The following ASIC2 variants were observed in gnomAD, a reference collection of about 807,000 sequenced individuals.
ASIC2 encodes the protein acid-sensing ion channel 2.
A neutral mutation model predicts 57.3 loss-of-function variants in ASIC2; 25 were observed. The observed-to-expected ratio is 0.44, with a 90% CI of 0.32 to 0.61. The LOEUF is 0.61. ASIC2 is among the 20% of genes least tolerant of loss of function. The pLI is 0.06. For missense variants in ASIC2, 641 were observed against 738.1 expected (o/e 0.87, Z 1.52); for synonymous variants, 319 against 307.5 (o/e 1.04, Z -0.39).
intron 3 of ASIC2, among the ~76,000 whole-genome samples, chr17:33,057,433 T>G (rs1399174120): frequency 1.3e-5 from 2 of 152,200 alleles, no homozygotes; most frequent in East Asian, 1.9e-4. Context: ...GTCTCTTCTG[T>G]CTCTATGTGC....
chr17:33,581,146 G>GT (rs1310144763), intron 1 of ASIC2: 1 of 152,230 alleles, frequency 6.6e-6, no homozygotes, highest in Non-Finnish European at 1.5e-5. Flanking sequence ...AATCCCATGT[G>GT]TTCTTAAAGG....
intron 3 of ASIC2, among the ~76,000 whole-genome samples, chr17:33,035,252 T>C (rs1354151501): frequency 6.6e-6 from 1 of 152,222 alleles, no homozygotes; most frequent in African/African-American, 2.4e-5. Flanking sequence ...TTATGATTGT[T>C]ATTGTAAAGT....
chr17:33,584,780 TAGG>T (rs1904561702), intron 1 of ASIC2, among the ~76,000 whole-genome samples: 1 of 151,842 alleles, frequency 6.6e-6, no homozygotes, highest in Non-Finnish European at 1.5e-5. Flanking sequence ...AGACAGTTCG[TAGG>T]AGAAGGATTC....
In ASIC2 at chr17:33,892,175, T is replaced by C. The variant is rs142880946; in HGVS notation, c.555+263803A>G. Among the ~76,000 whole-genome samples, 13 of 152,208 alleles carry C rather than the reference T, an allele frequency of 8.5e-5. No homozygotes were observed. The East Asian group carries it at 2.1e-3, about 25-fold the overall frequency. ...TTGTACTCATTTGAGAAATAGACAATGAACAAGAAAGAGAATAAATAAATA... is the reference window on the plus strand; with the variant it reads ...TTGTACTCATTTGAGAAATAGACAACGAACAAGAAAGAGAATAAATAAATA... On this transcript the variant is annotated intron_variant, in intron 1 of 9. Coordinates refer to the ASIC2 transcript ENST00000359872.
intron 1 of ASIC2, among the ~76,000 whole-genome samples, chr17:33,681,878 C>T (rs1013432651): frequency 6.6e-6 from 1 of 152,180 alleles, no homozygotes; most frequent in African/African-American, 2.4e-5. Flanking sequence ...ATGCTGACAT[C>T]TCTAGTGTCG....
At chr17:33,361,388 G>T (rs1260494834) in intron 1 of ASIC2, among the ~76,000 whole-genome samples, 1 of 152,214 alleles carries the variant, frequency 6.6e-6, no homozygotes, top group Non-Finnish European at 1.5e-5. Context: ...ATGTGGACCT[G>T]ATGGTGAGAG....
At chr17:33,246,629 T>A (rs992132874) in intron 1 of ASIC2, among the ~76,000 whole-genome samples, 1 of 152,226 alleles carries the variant, frequency 6.6e-6, no homozygotes, top group African/African-American at 2.4e-5. Context: ...CCTCCTGAGC[T>A]AAGTGCAAGT....
intron 1 of ASIC2, among the ~76,000 whole-genome samples, chr17:34,049,500 CCTT>C (rs1340339794): frequency 1.3e-5 from 2 of 152,022 alleles, no homozygotes; most frequent in Non-Finnish European, 2.9e-5. Context: ...CTCACATTGT[CCTT>C]CTCTGCTTCC....
intron 1 of ASIC2, among the ~76,000 whole-genome samples, chr17:33,579,291 A>C (rs1469669724): frequency 6.6e-6 from 1 of 150,794 alleles, no homozygotes. Flanking sequence ...TGTCTCAAAA[A>C]AAAAAAAAAA....
chr17:33,640,004 G>A (rs958655764), intron 1 of ASIC2, among the ~76,000 whole-genome samples: 4 of 152,144 alleles, frequency 2.6e-5, no homozygotes, highest in Non-Finnish European at 5.9e-5. Flanking sequence ...ACCAGTGTAT[G>A]AATATTCCTG....
At position 34,035,090 on chromosome 17, in the gene ASIC2, C is replaced by A. The variant is rs370323459; in HGVS notation, c.555+120888G>T. On this transcript the variant is annotated intron_variant, in intron 1 of 9. Transcript: ENST00000359872. ...AGCCAAAAGAAAGCTGGAGGCATCA[C>A]GCTACCTGACTTCAAACTATACTAC... Among the ~76,000 whole-genome samples the A allele has an allele frequency of 1.4e-4, 21 of 150,742 alleles. 1 individual carries two copies. Among genetic ancestry groups the A allele is most frequent in the Middle Eastern group, 3.2e-3 (1 of 316 alleles).
intron 1 of ASIC2, among the ~76,000 whole-genome samples, chr17:33,584,998 T>C (rs903675851): frequency 2.0e-5 from 3 of 152,072 alleles, no homozygotes; most frequent in African/African-American, 4.8e-5. Context: ...GTAGTTTCAG[T>C]TGGAGAAGAG....
chr17:33,414,370 G>A (rs902745426), intron 1 of ASIC2, among the ~76,000 whole-genome samples: 2 of 152,186 alleles, frequency 1.3e-5, no homozygotes, highest in Admixed American at 6.5e-5. Context: ...GGAAGGGGAT[G>A]TTCTAGGTTG....
chr17:33,061,395 C>T (rs1383604562), intron 3 of ASIC2, among the ~76,000 whole-genome samples: 1 of 152,150 alleles, frequency 6.6e-6, no homozygotes, highest in Non-Finnish European at 1.5e-5. Context: ...TTGTCAAAGG[C>T]CTTTCCTGCA....
chr17:33,201,983 G>C (rs1443946209), intron 1 of ASIC2, among the ~76,000 whole-genome samples: 1 of 121,734 alleles, frequency 8.2e-6, no homozygotes, highest in Admixed American at 1.1e-4. Flanking sequence ...AGTGGACCAA[G>C]ATCATGCCAC....
intron 1 of ASIC2, among the ~76,000 whole-genome samples, chr17:33,780,631 G>C (rs1238294971): frequency 3.9e-5 from 6 of 152,220 alleles, no homozygotes. Flanking sequence ...AGTAGGTGCA[G>C]TCCAAAGGTG....
intron 1 of ASIC2, among the ~76,000 whole-genome samples, chr17:33,539,598 A>G (rs1170744723): frequency 6.6e-6 from 1 of 152,264 alleles, no homozygotes; most frequent in Non-Finnish European, 1.5e-5. Context: ...CCACATATAC[A>G]GTACAGACAC....
chr17:34,137,413 A>G (rs1912155289), intron 1 of ASIC2, among the ~76,000 whole-genome samples: 1 of 152,216 alleles, frequency 6.6e-6, no homozygotes, highest in Non-Finnish European at 1.5e-5. Context: ...ATCAACTGAA[A>G]TCATCATTAT....
At chr17:33,935,192 CCTTT>C (rs1379766446) in intron 1 of ASIC2, among the ~76,000 whole-genome samples, 1 of 152,234 alleles carries the variant, frequency 6.6e-6, no homozygotes, top group African/African-American at 2.4e-5. Flanking sequence ...AACACCCTGC[CCTTT>C]CTTTTCAGCC....
Sources: gnomAD v4.1 joint callset for allele counts (sites outside exome capture counted in the v4.1 genomes callset) on GRCh38, gnomAD v4.1.1 for gene constraint, MANE v1.5 for transcripts, NCBI Gene and HGNC (gene_info 2026-07-23, HGNC 2026-07-21) for gene names.